Variants in DOCK10 observed in about 807,000 individuals in gnomAD.
The protein encoded by DOCK10 is dedicator of cytokinesis protein 10.
Under a neutral mutation model 280.1 loss-of-function variants are expected in DOCK10, and 145 were observed. The ratio of observed to expected loss-of-function variants is 0.52; its 90% CI spans 0.45 to 0.59. The LOEUF is 0.59. Among genes scored for constraint, DOCK10 ranks in the 20% least tolerant of loss-of-function variants. The pLI, the probability that DOCK10 is intolerant of heterozygous loss-of-function variation, is 0.00. For missense variants in DOCK10, 2,368 were observed against 2,651.7 expected (o/e 0.89, Z 2.35); for synonymous variants, 915 against 942.2 (o/e 0.97, Z 0.53).
chr2:224,956,028 A>G (rs563559289), intron 1 of DOCK10, among the ~76,000 whole-genome samples: 2 of 152,378 alleles, frequency 1.3e-5, no homozygotes, highest in Admixed American at 1.3e-4. Flanking sequence ...ATGATGGTAC[A>G]CATAAAACAC....
chr2:224,882,528 G>A (rs1699036160), intron 7 of DOCK10, among the ~76,000 whole-genome samples: 2 of 152,102 alleles, frequency 1.3e-5, no homozygotes, highest in South Asian at 2.1e-4. Context: ...TGTAATATAC[G>A]TCTAAGAATT....
rs146126582 is a variant in DOCK10 at position 224,966,756 on chromosome 2, G to C, written c.124-35088C>G. Among the ~76,000 whole-genome samples, 1,288 of 152,240 alleles carry C rather than the reference G, an allele frequency of 8.5e-3. 20 individuals are homozygous for C. The highest frequency in any genetic ancestry group is 0.027 in the African/African-American group (1,125 of 41,554). ...AATGGGCTACATATTAAGTTTCTTT[G>C]GACCTAGACCTCAACACTTGCTGGC... On this transcript the variant is annotated intron_variant, in intron 1 of 55. Coordinates refer to ENST00000258390, the MANE Select transcript of DOCK10 (RefSeq NM_014689.3).
rs115890751 is a variant in DOCK10, at chr2:224,892,546, C to T, written c.416+3749G>A. Among the ~76,000 whole-genome samples, 1,481 of 152,128 alleles carry T rather than the reference C, an allele frequency of 9.7e-3. 15 individuals are homozygous for T. The highest frequency in any genetic ancestry group is 0.033 in the African/African-American group (1,380 of 41,492). Reference sequence around the variant, plus strand: ...AAGACTCTTCAAGGATGGCCTCTCTCGAGAGGTAACATTTAAATTGAGGAG... The same window carrying T: ...AAGACTCTTCAAGGATGGCCTCTCTTGAGAGGTAACATTTAAATTGAGGAG... On this transcript the variant is annotated intron_variant, in intron 4 of 55. Transcript: ENST00000258390.
At chr2:224,954,450 T>C (rs147142928) in intron 1 of DOCK10, among the ~76,000 whole-genome samples, 1 of 152,348 alleles carries the variant, frequency 6.6e-6, no homozygotes, top group East Asian at 1.9e-4. Context: ...AATCACCCTT[T>C]TTGAAGTTTT....
chr2:224,961,575 C>T (rs529847757), intron 1 of DOCK10, among the ~76,000 whole-genome samples: 10 of 148,796 alleles, frequency 6.7e-5, no homozygotes, highest in Admixed American at 2.7e-4. Flanking sequence ...GGTGCGATCT[C>T]GGCTCACTGC....
intron 1 of DOCK10, among the ~76,000 whole-genome samples, chr2:224,987,112 T>A (rs562143561): frequency 6.6e-6 from 1 of 152,300 alleles, no homozygotes; most frequent in Non-Finnish European, 1.5e-5. Flanking sequence ...TACATTTTTT[T>A]AGCTATCTCT....
Position 224,765,731 on chromosome 2 carries a change from G to A in DOCK10, c.6551C>T (p.Ala2184Val). 1 of 1,612,788 alleles carries A rather than the reference G, an allele frequency of 6.2e-7. No homozygotes were observed. Among genetic ancestry groups the A allele is most frequent in the Non-Finnish European group, 8.5e-7 (1 of 1,178,946 alleles). Residue 2184 changes from alanine (A) to valine (V), a missense_variant, in exon 56 of 56, where the codon GCT becomes GTT. Ala to Val is a moderately conservative substitution (Grantham distance 64, BLOSUM62 0). Transcript: ENST00000258390. ...ALPTVSISSS[A>V]EV ...GATGCTGCAGAGCCCTCAGACTTCAGCACTAGATGAGATGGAGACCGTGGG... is the reference window on the plus strand; with the variant it reads ...GATGCTGCAGAGCCCTCAGACTTCAACACTAGATGAGATGGAGACCGTGGG...
chr2:225,018,991 T>C (rs1689710363), intron 1 of DOCK10, among the ~76,000 whole-genome samples: 1 of 132,656 alleles, frequency 7.5e-6, no homozygotes, highest in South Asian at 2.5e-4. Context: ...CATATATAGA[T>C]TTTTTTTACA....
At position 224,853,495 on chromosome 2, in the gene DOCK10, T is replaced by C. The variant is rs549594496; in HGVS notation, c.1889-373A>G. 1.1e-4 allele frequency among the ~76,000 whole-genome samples: 17 copies of C among 152,370 alleles called. No individual in the cohort carries two copies. In the South Asian group the frequency reaches 3.3e-3, roughly 30 times the overall value. ...TATAACACTATAAAAATAATGCATA[T>C]TCTGATACATGACTGAAAAAAGCTT... On this transcript the variant is annotated intron_variant, in intron 16 of 55. Transcript: ENST00000258390.
At chr2:224,961,035 G>T (rs1016791585) in intron 1 of DOCK10, among the ~76,000 whole-genome samples, 1 of 152,156 alleles carries the variant, frequency 6.6e-6, no homozygotes, top group African/African-American at 2.4e-5. Flanking sequence ...ACCGCGCCCG[G>T]CCCCCATCAC....
chr2:224,837,148 T>C (rs1695644009), intron 25 of DOCK10, among the ~76,000 whole-genome samples: 1 of 152,184 alleles, frequency 6.6e-6, no homozygotes, highest in Non-Finnish European at 1.5e-5. Context: ...ACTATGAAAG[T>C]GCAAACATCA....
rs1704999533 is a variant in DOCK10, at chr2:224,970,051, T to C, written c.124-38383A>G. Among the ~76,000 whole-genome samples the C allele has an allele frequency of 6.6e-6, 1 of 152,200 alleles. No individual in the cohort carries two copies. Among genetic ancestry groups the C allele is most frequent in the African/African-American group, 2.4e-5 (1 of 41,458 alleles). ...CACTGGCTTTTTCACTGAGTCGTCT[T>C]TTTGAGCAACTCTGTTCACCTGATG... On this transcript the variant is annotated intron_variant, in intron 1 of 55. Coordinates refer to ENST00000258390, the MANE Select transcript of DOCK10 (RefSeq NM_014689.3). This position sits in a 1 kb window ranked among gnomAD's most constrained non-coding sequence, Gnocchi z 4.6.
In DOCK10 at chr2:224,970,821, A is replaced by C. The variant is rs1347659470; in HGVS notation, c.124-39153T>G. Among the ~76,000 whole-genome samples, 1 of 152,234 alleles carries C rather than the reference A, an allele frequency of 6.6e-6. No individual in the cohort carries two copies. The highest frequency in any genetic ancestry group is 2.4e-5 in the African/African-American group (1 of 41,468). On this transcript the variant is annotated intron_variant, in intron 1 of 55. Coordinates refer to ENST00000258390, the MANE Select transcript of DOCK10 (RefSeq NM_014689.3). The surrounding 1 kb of genome is among the most constrained non-coding windows in gnomAD (Gnocchi z 4.6). ...CATCTCCAAATGGATTTATTCCTCT[A>C]AGATAACCAGAAACTGGATAGGATT...
At chr2:224,948,740 A>G (rs1207960065) in intron 1 of DOCK10, among the ~76,000 whole-genome samples, 3 of 152,244 alleles carry the variant, frequency 2.0e-5, no homozygotes, top group Non-Finnish European at 2.9e-5. Flanking sequence ...TGCATGGTCA[A>G]GAGTCACAAA....
intron 21 of DOCK10, 48 bp from the exon 22 acceptor site, chr2:224,844,887 G>GAA: frequency 7.8e-7 from 1 of 1,278,168 alleles, no homozygotes; most frequent in Non-Finnish European, 1.1e-6. Flanking sequence ...TCGAGAGAAA[G>GAA]AAAATAAATA....
chr2:224,876,092 G>C lies in DOCK10; in HGVS notation c.877C>G (p.Pro293Ala). 1 of 1,613,948 alleles carries C rather than the reference G, an allele frequency of 6.2e-7. No homozygotes were observed. Among genetic ancestry groups the C allele is most frequent in the Non-Finnish European group, 8.5e-7 (1 of 1,179,886 alleles). The part of the protein sequence containing the change: ...HTLNRILQIS[P>A]EGPLQGRRST... The stretch of plus-strand genomic sequence containing the variant: ...CTCCTCCCTTGGAGGGGCCCCTCAG[G>C]ACTGATTTGCAGAATGCGGTTGAGG... The change falls in exon 8 of 56, where the codon CCT (proline) becomes GCT (alanine). Residue 293 changes from proline (P) to alanine (A), a missense_variant. Physicochemically the swap from Pro to Ala is conservative, Grantham distance 27. Coordinates refer to ENST00000258390, the MANE Select transcript of DOCK10 (RefSeq NM_014689.3).
chr2:225,027,011 C>T (rs1689938160), intron 1 of DOCK10, among the ~76,000 whole-genome samples: 1 of 152,148 alleles, frequency 6.6e-6, no homozygotes. Flanking sequence ...TCCCCATACA[C>T]AACTTATAGT....
chr2:224,916,879 T>A (rs996159027), intron 2 of DOCK10, 95 bp from the exon 3 acceptor site: 2 of 911,308 alleles, frequency 2.2e-6, no homozygotes, highest in African/African-American at 1.7e-5. Context: ...CTTTTAGATC[T>A]TAGTATTTAA....
At chr2:224,852,836 T>TTTTCTA in intron 17 of DOCK10, 99 bp downstream of exon 17, 1 of 1,050,926 alleles carries the variant, frequency 9.5e-7, no homozygotes, top group Non-Finnish European at 1.3e-6. Context: ...TGACAGAGTG[T>TTTTCTA]TGCCCCATAG....
Sources: gnomAD v4.1 joint callset for allele counts (sites outside exome capture counted in the v4.1 genomes callset) on GRCh38, gnomAD v4.1.1 for gene constraint, Gnocchi (gnomAD v3.1) non-coding constraint, MANE v1.5 for transcripts, NCBI Gene and HGNC (gene_info 2026-07-23, HGNC 2026-07-21) for gene names.